Variants in ERBB4 observed in about 807,000 individuals in gnomAD.
ERBB4 encodes the protein erb-b2 receptor tyrosine kinase 4, also known as receptor tyrosine-protein kinase erbB-4.
Under a neutral mutation model 158.0 loss-of-function variants are expected in ERBB4, and 42 were observed. The ratio of observed to expected loss-of-function variants is 0.27; its 90% CI spans 0.21 to 0.34. The LOEUF is 0.34. ERBB4 is among the 10% of genes least tolerant of loss of function. The pLI is 1.00. For missense variants in ERBB4, 1,333 were observed against 1,624.1 expected, an observed-to-expected ratio of 0.82 and a Z score of 3.08; for synonymous variants, 583 against 558.7, an observed-to-expected ratio of 1.04 and a Z score of -0.61.
At chr2:211,434,783 C>T (rs2063815591) in intron 20 of ERBB4, among the ~76,000 whole-genome samples, 1 of 152,152 alleles carries the variant, frequency 6.6e-6, no homozygotes, top group African/African-American at 2.4e-5. Context: ...TTCCCTCACC[C>T]ACCTGACCAT....
At chr2:212,096,057 A>T (rs993264525) in intron 2 of ERBB4, among the ~76,000 whole-genome samples, 1 of 152,090 alleles carries the variant, frequency 6.6e-6, no homozygotes, top group African/African-American at 2.4e-5. Context: ...TCAAATTGAT[A>T]ATAAGCTAAG....
chr2:211,554,509 G>A (rs1455094641), intron 20 of ERBB4, among the ~76,000 whole-genome samples: 1 of 152,214 alleles, frequency 6.6e-6, no homozygotes, highest in African/African-American at 2.4e-5. Context: ...GGGCCTAGGA[G>A]GGCCTGCAGG....
chr2:212,202,218 C>T (rs1430311684), intron 1 of ERBB4, among the ~76,000 whole-genome samples: 1 of 151,990 alleles, frequency 6.6e-6, no homozygotes, highest in African/African-American at 2.4e-5. Flanking sequence ...GTGATAGTAA[C>T]TTTCTTTGGT....
chr2:211,888,602 G>A (rs1486267789), intron 3 of ERBB4, among the ~76,000 whole-genome samples: 3 of 152,214 alleles, frequency 2.0e-5, no homozygotes, highest in Admixed American at 6.5e-5. Flanking sequence ...GAGCGACGCA[G>A]AAGACGGGTG....
At chr2:212,178,328 G>GCAATTTT (rs2081743719) in intron 1 of ERBB4, among the ~76,000 whole-genome samples, 1 of 151,514 alleles carries the variant, frequency 6.6e-6, no homozygotes, top group African/African-American at 2.4e-5. Flanking sequence ...GGACACTAAA[G>GCAATTTT]GATTTCAGAC....
chr2:212,456,096 A>G (rs2106044969), intron 1 of ERBB4, among the ~76,000 whole-genome samples: 1 of 152,284 alleles, frequency 6.6e-6, no homozygotes, highest in Admixed American at 6.5e-5. Context: ...ATAATGGTTT[A>G]CCAAGTAAAC....
At chr2:212,068,325 T>G (rs1229657991) in intron 2 of ERBB4, among the ~76,000 whole-genome samples, 1 of 151,968 alleles carries the variant, frequency 6.6e-6, no homozygotes, top group Non-Finnish European at 1.5e-5. Flanking sequence ...AGAAGGGAAT[T>G]GTTAAATAAA....
chr2:212,303,464 T>G (rs1368467372), intron 1 of ERBB4, among the ~76,000 whole-genome samples: 2 of 148,726 alleles, frequency 1.3e-5, no homozygotes, highest in African/African-American at 2.5e-5. Flanking sequence ...ATTTGATCCT[T>G]GTAAATCCTG....
intron 1 of ERBB4, among the ~76,000 whole-genome samples, chr2:212,365,568 C>T (rs911247197): frequency 2.0e-5 from 3 of 151,614 alleles, no homozygotes; most frequent in African/African-American, 7.3e-5. Flanking sequence ...CATTTCAAGC[C>T]TAATTTTAAT....
chr2:212,011,291 G>C (rs1226298766), intron 2 of ERBB4, among the ~76,000 whole-genome samples: 2 of 152,198 alleles, frequency 1.3e-5, no homozygotes, highest in East Asian at 1.9e-4. Flanking sequence ...CCGTTTGGGG[G>C]TCCCTGACTT....
intron 2 of ERBB4, among the ~76,000 whole-genome samples, chr2:212,040,329 C>A (rs1398805784): frequency 6.6e-6 from 1 of 150,788 alleles, no homozygotes; most frequent in Non-Finnish European, 1.5e-5. Flanking sequence ...TTTTTTTCTT[C>A]TCTAATGATT....
Position 212,216,773 on chromosome 2 carries a change from C to T in ERBB4, c.83-91870G>A, listed in dbSNP as rs114518561. Among the ~76,000 whole-genome samples, 1,414 of 151,298 alleles carry T rather than the reference C, an allele frequency of 9.3e-3. 16 individuals carry two copies. Among genetic ancestry groups the T allele is most frequent in the African/African-American group, 0.031 (1,301 of 41,440 alleles). ...CAGATTATATACATAACATGTTGCC[C>T]GGGGCTCACTCAGATATGGCCCACA... On this transcript the variant is annotated intron_variant, in intron 1 of 27. Coordinates refer to ENST00000342788, the MANE Select transcript of ERBB4 (RefSeq NM_005235.3).
intron 1 of ERBB4, among the ~76,000 whole-genome samples, chr2:212,214,500 T>C (rs1325314959): frequency 6.6e-6 from 1 of 151,808 alleles, no homozygotes; most frequent in African/African-American, 2.4e-5. Context: ...CCAAGGTCCA[T>C]AATTACATAA....
intron 4 of ERBB4, among the ~76,000 whole-genome samples, chr2:211,776,332 A>G (rs2075875144): frequency 1.3e-5 from 2 of 152,172 alleles, no homozygotes; most frequent in African/African-American, 4.8e-5. Context: ...AACCAACCCT[A>G]AATATTAGTA....
chr2:212,015,295 A>C (rs1309774558), intron 2 of ERBB4, among the ~76,000 whole-genome samples: 1 of 151,274 alleles, frequency 6.6e-6, no homozygotes. Flanking sequence ...AAAATAAATA[A>C]ATCTTTTCCT....
intron 19 of ERBB4, among the ~76,000 whole-genome samples, chr2:211,587,648 A>G (rs1574813838): frequency 6.6e-6 from 1 of 152,270 alleles, no homozygotes. Context: ...TAAGGGAAAA[A>G]AAAAAAGTAC....
chr2:212,246,953 C>T (rs115269953), intron 1 of ERBB4, among the ~76,000 whole-genome samples: 36 of 152,126 alleles, frequency 2.4e-4, no homozygotes, highest in Non-Finnish European at 3.8e-4. Context: ...TGAAAGAAAC[C>T]TATAGGATTA....
intron 17 of ERBB4, among the ~76,000 whole-genome samples, chr2:211,627,257 TA>T (rs546564709): frequency 1.5e-4 from 23 of 152,352 alleles, no homozygotes; most frequent in Non-Finnish European, 2.8e-4. Context: ...GCATCCTAGC[TA>T]AACTGCAAAC....
At chr2:212,250,082 A>C (rs1351736374) in intron 1 of ERBB4, among the ~76,000 whole-genome samples, 1 of 152,070 alleles carries the variant, frequency 6.6e-6, no homozygotes, top group Non-Finnish European at 1.5e-5. Flanking sequence ...ATAACTAATT[A>C]AATTTATTGG....
Sources: gnomAD v4.1 joint callset for allele counts (sites outside exome capture counted in the v4.1 genomes callset) on GRCh38, gnomAD v4.1.1 for gene constraint, MANE v1.5 for transcripts, NCBI Gene and HGNC (gene_info 2026-07-23, HGNC 2026-07-21) for gene names.